Variants in CACNA1A observed in about 807,000 individuals in gnomAD.
CACNA1A encodes calcium voltage-gated channel subunit alpha1 A, also known as voltage-dependent P/Q-type calcium channel subunit alpha-1A.
A neutral mutation model predicts 262.4 loss-of-function variants in CACNA1A; 57 were observed. The observed-to-expected ratio is 0.22, with a 90% confidence interval of 0.18 to 0.27. CACNA1A has a LOEUF of 0.27. Ranked by LOEUF, CACNA1A falls within the 10% of genes least tolerant of loss-of-function variation. The pLI is 1.00. For synonymous variants in CACNA1A, 1,431 were observed against 1,419.3 expected (o/e 1.01, Z -0.18); for missense variants, 2,526 against 3,562.8 (o/e 0.71, Z 7.41).
intron 1 of CACNA1A, among the ~76,000 whole-genome samples, chr19:13,466,680 C>T (rs1042454341): frequency 2.0e-4 from 30 of 150,932 alleles, no homozygotes; most frequent in Non-Finnish European, 3.8e-4. Context: ...GCTGCTGCTA[C>T]TTTCTTCAAT....
chr19:13,478,054 T>C (rs1978772760), intron 1 of CACNA1A, among the ~76,000 whole-genome samples: 3 of 152,316 alleles, frequency 2.0e-5, no homozygotes, highest in African/African-American at 7.2e-5. Context: ...CTCTCTGTTC[T>C]TGGAAACTCA....
At chr19:13,482,876 GT>G (rs1890662318) in intron 1 of CACNA1A, among the ~76,000 whole-genome samples, 1 of 151,568 alleles carries the variant, frequency 6.6e-6, no homozygotes, top group East Asian at 1.9e-4. Flanking sequence ...GTGTGTGTGT[GT>G]GTGTGTGTGT....
At chr19:13,324,050 T>C (rs1396105304) in intron 10 of CACNA1A, among the ~76,000 whole-genome samples, 6 of 152,216 alleles carry the variant, frequency 3.9e-5, no homozygotes, top group Admixed American at 1.3e-4. Context: ...TAGAATACTA[T>C]ACAGCCCTAA....
intron 2 of CACNA1A, 57 bp downstream of exon 2, chr19:13,455,050 A>C (rs1336308804): frequency 8.2e-6 from 9 of 1,099,790 alleles, no homozygotes; most frequent in Middle Eastern, 2.1e-4. Flanking sequence ...CCACTCCCCC[A>C]AAAATTAATG....
At chr19:13,386,839 G>C (rs1238530648) in intron 3 of CACNA1A, among the ~76,000 whole-genome samples, 2 of 152,004 alleles carry the variant, frequency 1.3e-5, no homozygotes, top group African/African-American at 4.8e-5. Context: ...GGCTGTGAGT[G>C]GTAAATGTTA....
At chr19:13,339,369 G>C (rs2058636265) in intron 6 of CACNA1A, among the ~76,000 whole-genome samples, 1 of 152,120 alleles carries the variant, frequency 6.6e-6, no homozygotes, top group African/African-American at 2.4e-5. Flanking sequence ...GCCAAGGGCT[G>C]GGGGAGGGGG....
chr19:13,209,599 G>T, intron 44 of CACNA1A, 101 bp from the exon 45 acceptor site: 1 of 908,400 alleles, frequency 1.1e-6, no homozygotes, highest in South Asian at 4.9e-5. Flanking sequence ...GGCCTTCGGT[G>T]ACTGCGGTGT....
intron 1 of CACNA1A, among the ~76,000 whole-genome samples, chr19:13,465,609 T>C (rs919957786): frequency 6.6e-6 from 1 of 152,022 alleles, no homozygotes; most frequent in Non-Finnish European, 1.5e-5. Context: ...CTCAGTCTCC[T>C]GAATAGCTGG....
intron 6 of CACNA1A, among the ~76,000 whole-genome samples, chr19:13,349,145 T>G (rs543681258): frequency 2.6e-5 from 4 of 152,228 alleles, no homozygotes; most frequent in African/African-American, 9.6e-5. Context: ...CTAGGGGACC[T>G]TGGCAGGTCA....
chr19:13,437,691 C>CAAAAAAAAA (rs35266881), intron 3 of CACNA1A, among the ~76,000 whole-genome samples: 10 of 64,920 alleles, frequency 1.5e-4, no homozygotes, highest in East Asian at 4.4e-4. Flanking sequence ...AACCCCATCT[C>CAAAAAAAAA]AAAAAAAAAA....
intron 3 of CACNA1A, among the ~76,000 whole-genome samples, chr19:13,439,486 G>A (rs866950348): frequency 2.0e-5 from 3 of 150,138 alleles, no homozygotes; most frequent in Admixed American, 6.6e-5. Flanking sequence ...TGCAAGCTCC[G>A]CCTCCCGGGT....
intron 34 of CACNA1A, among the ~76,000 whole-genome samples, chr19:13,234,566 C>A (rs1257057488): frequency 6.6e-6 from 1 of 152,052 alleles, no homozygotes; most frequent in Non-Finnish European, 1.5e-5. Flanking sequence ...ACCTTGATGA[C>A]TATGTCCCAG....
At chr19:13,346,808 T>G (rs2058796666) in intron 6 of CACNA1A, among the ~76,000 whole-genome samples, 1 of 146,666 alleles carries the variant, frequency 6.8e-6, no homozygotes, top group Admixed American at 6.8e-5. Flanking sequence ...GCCTCCCAAG[T>G]AGCTGGGACT....
chr19:13,494,809 G>A (rs542347224), intron 1 of CACNA1A, among the ~76,000 whole-genome samples: 3 of 152,264 alleles, frequency 2.0e-5, no homozygotes, highest in Admixed American at 6.5e-5. Context: ...CAGATCTCAT[G>A]AGAACTCACT....
intron 6 of CACNA1A, among the ~76,000 whole-genome samples, chr19:13,339,884 T>A (rs1432467047): frequency 6.6e-6 from 1 of 152,108 alleles, no homozygotes; most frequent in African/African-American, 2.4e-5. Context: ...ACATCCTTGT[T>A]TTAACGAGCT....
intron 1 of CACNA1A, among the ~76,000 whole-genome samples, chr19:13,458,801 A>G (rs112007758): frequency 0.024 from 3,599 of 152,242 alleles, 131 homozygotes; most frequent in African/African-American, 0.082. Context: ...TCTCCCTGCC[A>G]CACCCCTCAG....
intron 3 of CACNA1A, among the ~76,000 whole-genome samples, chr19:13,432,784 G>C (rs1355858190): frequency 4.0e-5 from 6 of 151,824 alleles, no homozygotes; most frequent in Non-Finnish European, 5.9e-5. Context: ...TAATTGGCTT[G>C]ATTTAATCAT....
chr19:13,415,451 C>A (rs2060203738), intron 3 of CACNA1A, among the ~76,000 whole-genome samples: 1 of 151,798 alleles, frequency 6.6e-6, no homozygotes, highest in Non-Finnish European at 1.5e-5. Context: ...ACATTTAGAA[C>A]TAGATGAGGC....
chr19:13,434,217 C>T (rs1023024478), intron 3 of CACNA1A, among the ~76,000 whole-genome samples: 2 of 152,094 alleles, frequency 1.3e-5, no homozygotes, highest in Admixed American at 6.6e-5. Context: ...AGTGCAGTGG[C>T]GTGATCATAG....
Sources: allele counts gnomAD v4.1 joint callset (sites outside exome capture counted in the v4.1 genomes callset), GRCh38; gene constraint gnomAD v4.1.1; transcripts MANE v1.5; gene names NCBI Gene and HGNC (gene_info 2026-07-23, HGNC 2026-07-21).